Variants in ZEB1 observed in about 807,000 individuals in gnomAD.
ZEB1 encodes zinc finger E-box binding homeobox 1, also known as zinc finger E-box-binding homeobox 1.
ZEB1 carries 21 observed loss-of-function variants against 84.9 expected under a neutral mutation model. That is an observed-to-expected ratio of 0.25 (90% CI 0.18 to 0.36). The LOEUF (loss-of-function observed/expected upper bound fraction) is 0.36, where lower values mean the gene tolerates loss of function less well. Among genes scored for constraint, ZEB1 ranks in the 10% least tolerant of loss-of-function variants. The probability of loss-of-function intolerance (pLI) is 1.00; values close to 1 mark genes in which losing one functional copy is unlikely to be tolerated. For synonymous variants in ZEB1, 420 were observed against 471.1 expected, an observed-to-expected ratio of 0.89 and a Z score of 1.41; for missense variants, 1,104 against 1,330.2, an observed-to-expected ratio of 0.83 and a Z score of 2.65.
At chr10:31,464,498 A>T (rs1320817417) in intron 2 of ZEB1, among the ~76,000 whole-genome samples, 1 of 152,178 alleles carries the variant, frequency 6.6e-6, no homozygotes, top group Non-Finnish European at 1.5e-5. Context: ...ATCAGTGAAA[A>T]ACACCATACT....
chr10:31,459,563 G>C (rs2061595214), intron 1 of ZEB1, among the ~76,000 whole-genome samples: 1 of 151,914 alleles, frequency 6.6e-6, no homozygotes, highest in African/African-American at 2.4e-5. Flanking sequence ...AATAAAATAA[G>C]AGAGAAAACC....
At chr10:31,337,677 C>A (rs941336731) in intron 1 of ZEB1, among the ~76,000 whole-genome samples, 15 of 118,084 alleles carry the variant, frequency 1.3e-4, no homozygotes, top group African/African-American at 5.0e-4. Context: ...TTAATAATTT[C>A]TTTCTGTTTT....
At chr10:31,319,093 A>G (rs1037505260), upstream of ZEB1, 2 of 618,712 alleles carry the variant, frequency 3.2e-6, no homozygotes, top group Non-Finnish European at 6.0e-6. Context: ...CTCTAGGTGT[A>G]AGGAAGGTGA....
At chr10:31,444,538 T>A (rs1391408975) in intron 1 of ZEB1, among the ~76,000 whole-genome samples, 2 of 151,236 alleles carry the variant, frequency 1.3e-5, no homozygotes, top group Non-Finnish European at 3.0e-5. Flanking sequence ...AGGGTTTTTA[T>A]GGTTTTAGGT....
chr10:31,443,823 T>A (rs897308653), intron 1 of ZEB1, among the ~76,000 whole-genome samples: 15 of 151,094 alleles, frequency 9.9e-5, no homozygotes, highest in African/African-American at 3.7e-4. Context: ...TGTTGGACAT[T>A]TGGGTTGGCT....
rs1592099215 is a variant in ZEB1, at chr10:31,521,669, A to G, written c.2337A>G (p.Gln779=). 2 of 1,614,128 alleles carry G rather than the reference A, an allele frequency of 1.2e-6. No homozygotes were observed. Among genetic ancestry groups the G allele is most frequent in the Non-Finnish European group, 1.7e-6 (2 of 1,180,012 alleles). The change falls in exon 7 of 9, where the codon CAA becomes CAG. Residue 779 remains glutamine (Q), a synonymous_variant. Coordinates refer to ENST00000424869, the MANE Select transcript of ZEB1 (RefSeq NM_001174096.2). ...TGTCTTGCGCAAAAAAGGAGCCACA[A>G]AAGGACAGTTGTGTTACAGACTCAG... is the stretch of plus-strand genomic sequence containing the variant. ...LNLSCAKKEP[Q]KDSCVTDSEP...
intron 1 of ZEB1, among the ~76,000 whole-genome samples, chr10:31,381,437 G>A (rs2047611471): frequency 6.6e-6 from 1 of 152,154 alleles, no homozygotes; most frequent in Non-Finnish European, 1.5e-5. Flanking sequence ...AACATCCAGT[G>A]TATTTGAAAC....
At chr10:31,460,680 T>G (rs2061708545) in intron 1 of ZEB1, among the ~76,000 whole-genome samples, 1 of 152,138 alleles carries the variant, frequency 6.6e-6, no homozygotes, top group Admixed American at 6.6e-5. Flanking sequence ...CTTAGACAAG[T>G]TACTCTCTCT....
intron 2 of ZEB1, among the ~76,000 whole-genome samples, chr10:31,465,695 C>G (rs958959309): frequency 6.6e-6 from 1 of 151,970 alleles, no homozygotes; most frequent in Admixed American, 6.5e-5. Context: ...CCCACTGTAA[C>G]TTCAACCTCC....
At chr10:31,435,136 G>T (rs2058137636) in intron 1 of ZEB1, among the ~76,000 whole-genome samples, 1 of 152,174 alleles carries the variant, frequency 6.6e-6, no homozygotes, top group African/African-American at 2.4e-5. Flanking sequence ...TTGAAGAAGG[G>T]TCAGTGGCAG....
chr10:31,448,472 G>C (rs901337138), intron 1 of ZEB1, among the ~76,000 whole-genome samples: 1 of 148,300 alleles, frequency 6.7e-6, no homozygotes, highest in Non-Finnish European at 1.5e-5. Flanking sequence ...GCGTTCCTTT[G>C]GAGGAGGAGA....
intron 2 of ZEB1, among the ~76,000 whole-genome samples, chr10:31,471,397 A>G (rs908780441): frequency 6.6e-6 from 1 of 151,224 alleles, no homozygotes; most frequent in African/African-American, 2.4e-5. Context: ...AAATTAAAAA[A>G]GGCAGGGGTT....
intron 1 of ZEB1, among the ~76,000 whole-genome samples, chr10:31,437,866 T>C (rs1397685174): frequency 3.3e-5 from 5 of 152,240 alleles, no homozygotes. Flanking sequence ...ATGTAATTCT[T>C]GTCCTCTTCC....
chr10:31,337,683 G>GTTTTTTTT lies in ZEB1; in HGVS notation c.58+18406_58+18413dup, dbSNP rs756379165. Among the ~76,000 whole-genome samples, 136 of 98,788 alleles carry GTTTTTTTT rather than the reference G, an allele frequency of 1.4e-3. 1 individual carries two copies. The highest frequency in any genetic ancestry group is 1.9e-3 in the Non-Finnish European group (97 of 50,564). The allele number at this position is 98,788 out of a possible 152,430, so 64.8% of individuals were successfully genotyped here. ...AGATAAAGCTTAATAATTTCTTTCT[G>GTTTTTTTT]TTTTTTTTTTTTTTTTTTTTTTGAT... is the stretch of plus-strand genomic sequence containing the variant. On this transcript the variant is annotated intron_variant, in intron 1 of 8. Transcript: ENST00000424869.
At chr10:31,378,351 T>C (rs897737012) in intron 1 of ZEB1, among the ~76,000 whole-genome samples, 5 of 151,566 alleles carry the variant, frequency 3.3e-5, no homozygotes, top group African/African-American at 1.2e-4. Context: ...GCTGTGCTTA[T>C]TGAACTACTA....
intron 1 of ZEB1, among the ~76,000 whole-genome samples, chr10:31,401,397 A>G (rs1194611312): frequency 6.6e-6 from 1 of 152,200 alleles, no homozygotes; most frequent in African/African-American, 2.4e-5. Context: ...GAAGTGGTAG[A>G]AGGAGGATTA....
At chr10:31,440,983 A>C (rs1329006056) in intron 1 of ZEB1, among the ~76,000 whole-genome samples, 1 of 152,224 alleles carries the variant, frequency 6.6e-6, no homozygotes, top group African/African-American at 2.4e-5. Context: ...CATACTGCCC[A>C]AGGTAATTTA....
intron 1 of ZEB1, among the ~76,000 whole-genome samples, chr10:31,400,329 G>A (rs1302769021): frequency 1.3e-5 from 2 of 152,088 alleles, no homozygotes; most frequent in Non-Finnish European, 2.9e-5. Context: ...ACATAGTTCA[G>A]GGATTTTTGA....
At chr10:31,430,363 A>G (rs954660824) in intron 1 of ZEB1, among the ~76,000 whole-genome samples, 1 of 152,170 alleles carries the variant, frequency 6.6e-6, no homozygotes, top group South Asian at 2.1e-4. Flanking sequence ...AAAAAATCTT[A>G]TAAGTAGTTA....
Sources: allele counts gnomAD v4.1 joint callset (sites outside exome capture counted in the v4.1 genomes callset), GRCh38; gene constraint gnomAD v4.1.1; transcripts MANE v1.5; gene names NCBI Gene and HGNC (gene_info 2026-07-23, HGNC 2026-07-21).